Variants in IGFBP7 observed in about 807,000 individuals in gnomAD.
The protein encoded by IGFBP7 is insulin-like growth factor-binding protein 7.
A neutral mutation model predicts 29.4 loss-of-function variants in IGFBP7; 31 were observed. The ratio of observed to expected loss-of-function variants is 1.05; its 90% CI spans 0.79 to 1.42. IGFBP7 has a LOEUF of 1.42. IGFBP7 is among the 40% of genes most tolerant of loss of function. The probability of loss-of-function intolerance (pLI) is 0.00; values close to 1 mark genes in which losing one functional copy is unlikely to be tolerated. For missense variants in IGFBP7, 393 were observed against 395.5 expected, an observed-to-expected ratio of 0.99 and a Z score of 0.05; for synonymous variants, 172 against 174.9, an observed-to-expected ratio of 0.98 and a Z score of 0.13.
At position 57,109,917 on chromosome 4, in the gene IGFBP7, C is replaced by T. The variant is rs1726135251; in HGVS notation, c.435G>A (p.Glu145=). 6.4e-7 allele frequency: 1 copy of T among 1,557,024 alleles called. No homozygotes were observed. Among genetic ancestry groups the T allele is most frequent in the Non-Finnish European group, 8.6e-7 (1 of 1,157,768 alleles). ...CCTTGCTGACCTGGGTGATGGCCTT[C>T]TCCCCGCGGCTCTCGGCCCTCTGGC... ...AASQRAESRG[E]KAITQVSKGT... Residue 145 remains glutamate (E), a synonymous_variant, in exon 1 of 5, where the codon GAG becomes GAA. Transcript: ENST00000295666.
chr4:57,034,739 T>G (rs1197878396), intron 2 of IGFBP7, among the ~76,000 whole-genome samples: 3 of 152,200 alleles, frequency 2.0e-5, no homozygotes, highest in Non-Finnish European at 4.4e-5. Context: ...GCAAACCACA[T>G]GTGATCTAGG....
intron 1 of IGFBP7, among the ~76,000 whole-genome samples, chr4:57,046,692 G>A (rs1724369184): frequency 6.6e-6 from 1 of 152,140 alleles, no homozygotes; most frequent in Admixed American, 6.5e-5. Context: ...TCAAACATCT[G>A]TCTAGCAAAC....
intron 1 of IGFBP7, among the ~76,000 whole-genome samples, chr4:57,074,076 T>C (rs1213389652): frequency 6.6e-6 from 1 of 151,308 alleles, no homozygotes. Flanking sequence ...TCTTTTTTCT[T>C]TTGAGACACA....
chr4:57,106,173 T>C (rs1462096463), intron 1 of IGFBP7, among the ~76,000 whole-genome samples: 1 of 152,192 alleles, frequency 6.6e-6, no homozygotes, highest in Non-Finnish European at 1.5e-5. Context: ...CCCAAAGTGC[T>C]GGGATTACAG....
chr4:57,068,067 C>A (rs1290410306), intron 1 of IGFBP7, among the ~76,000 whole-genome samples: 2 of 152,040 alleles, frequency 1.3e-5, no homozygotes, highest in African/African-American at 4.8e-5. Flanking sequence ...GTGGCTCATG[C>A]CGTAGTCACA....
chr4:57,048,250 C>T (rs1238542904), intron 1 of IGFBP7, among the ~76,000 whole-genome samples: 2 of 151,552 alleles, frequency 1.3e-5, no homozygotes, highest in Admixed American at 1.3e-4. Context: ...ACGGGGTGAC[C>T]GTGTTACCCA....
chr4:57,095,094 T>G (rs1725729650), intron 1 of IGFBP7, among the ~76,000 whole-genome samples: 1 of 152,220 alleles, frequency 6.6e-6, no homozygotes, highest in South Asian at 2.1e-4. Context: ...GTCTAGTCAT[T>G]CCTTATGAGC....
In IGFBP7 at chr4:57,110,330, C is replaced by A; in HGVS notation, c.22G>T (p.Ala8Ser). 2 of 1,390,682 alleles carry A rather than the reference C, an allele frequency of 1.4e-6. No homozygotes were observed. The highest frequency in any genetic ancestry group is 9.3e-7 in the Non-Finnish European group (1 of 1,069,980). The allele number at this position is 1,390,682 out of a possible 1,614,324, so 86.1% of individuals were successfully genotyped here. The change falls in exon 1 of 5, where the codon GCC becomes TCC. Residue 8 changes from alanine (A) to serine (S), a missense_variant. Ala to Ser is a moderately conservative substitution (Grantham distance 99). Coordinates refer to ENST00000295666, the MANE Select transcript of IGFBP7 (RefSeq NM_001553.3). ...AGCCCAGCGGCGCCGAGGAGCAGGG[C>A]GCGCAGCGACGGCCGCTCCATGGCG... MERPSLR[A>S]LLLGAAGLLL...
intron 1 of IGFBP7, among the ~76,000 whole-genome samples, chr4:57,057,448 G>A (rs1201055048): frequency 1.3e-5 from 2 of 152,198 alleles, no homozygotes; most frequent in Non-Finnish European, 2.9e-5. Flanking sequence ...GCAACCATCA[G>A]TTCTGGCCTT....
rs535019052 is a variant in IGFBP7, at chr4:57,097,794, C to T, written c.475+12083G>A. ...GGGATTTGACCCAGGTGGTCTGACT[C>T]CAAAGTTCATCTCCTTAACCACTCT... On this transcript the variant is annotated intron_variant, in intron 1 of 4. Transcript: ENST00000295666. 2.0e-5 allele frequency among the ~76,000 whole-genome samples: 3 copies of T among 152,186 alleles called. No homozygotes were observed. In the East Asian group the frequency reaches 5.8e-4, roughly 29 times the overall value.
At chr4:57,051,635 T>C (rs185386218) in intron 1 of IGFBP7, among the ~76,000 whole-genome samples, 402 of 152,294 alleles carry the variant, frequency 2.6e-3, no homozygotes, top group South Asian at 0.01. Context: ...AACAAAATGC[T>C]GGGAGGTAAT....
chr4:57,079,163 GTCT>G (rs35860020), intron 1 of IGFBP7, among the ~76,000 whole-genome samples: 67,804 of 151,760 alleles, frequency 0.45, 17,177 homozygotes, highest in Admixed American at 0.59. Flanking sequence ...TCTCTTTGCT[GTCT>G]TCTTGTTAAA....
chr4:57,108,167 AT>A (rs1412044422), intron 1 of IGFBP7, among the ~76,000 whole-genome samples: 1 of 152,210 alleles, frequency 6.6e-6, no homozygotes, highest in African/African-American at 2.4e-5. Flanking sequence ...TTGGGTTGCA[AT>A]TTTCTAAGTT....
chr4:57,101,275 A>C (rs1402306285), intron 1 of IGFBP7, among the ~76,000 whole-genome samples: 2 of 152,176 alleles, frequency 1.3e-5, no homozygotes, highest in Non-Finnish European at 2.9e-5. Context: ...TGGCCTTGTC[A>C]GTGCTCTTTA....
chr4:57,102,270 T>A (rs1553917453), intron 1 of IGFBP7, among the ~76,000 whole-genome samples: 1 of 152,200 alleles, frequency 6.6e-6, no homozygotes, highest in Non-Finnish European at 1.5e-5. Flanking sequence ...CAGTCTACAG[T>A]GGACCCCGAG....
chr4:57,033,446 T>C, intron 2 of IGFBP7, 135 bp from the exon 3 acceptor site: 2 of 727,380 alleles, frequency 2.7e-6, no homozygotes, highest in South Asian at 2.9e-5. Context: ...CACTGAACTA[T>C]TTCCCTTTCC....
At chr4:57,103,355 C>T (rs952074479) in intron 1 of IGFBP7, among the ~76,000 whole-genome samples, 26 of 152,228 alleles carry the variant, frequency 1.7e-4, no homozygotes, top group Admixed American at 2.0e-4. Flanking sequence ...CAGGCCCTCC[C>T]CTATCACTGG....
chr4:57,108,966 A>G (rs542185215), intron 1 of IGFBP7, among the ~76,000 whole-genome samples: 1 of 152,328 alleles, frequency 6.6e-6, no homozygotes, highest in Non-Finnish European at 1.5e-5. Flanking sequence ...ATGCAAAACA[A>G]TACAAATCAA....
rs571936111 is a variant in IGFBP7, at chr4:57,032,584, G to A, written c.703-32C>T. On this transcript the variant is annotated intron_variant, in intron 3 of 4. Transcript: ENST00000295666. Reference sequence around the variant, plus strand: ...AAGAAAAAAGATCTAGTATTCCTCTGTGGTGGTCTTCTCTTTTGTCAGTGG... The same window carrying A: ...AAGAAAAAAGATCTAGTATTCCTCTATGGTGGTCTTCTCTTTTGTCAGTGG... 22 of 1,533,462 alleles carry A rather than the reference G, an allele frequency of 1.4e-5. No individual in the cohort carries two copies. In the South Asian group the frequency reaches 2.3e-4, roughly 16 times the overall value. The allele number at this position is 1,533,462 out of a possible 1,614,324, so 95.0% of individuals were successfully genotyped here.
Sources: gnomAD v4.1 joint callset for allele counts (sites outside exome capture counted in the v4.1 genomes callset) on GRCh38, gnomAD v4.1.1 for gene constraint, MANE v1.5 for transcripts, NCBI Gene and HGNC (gene_info 2026-07-23, HGNC 2026-07-21) for gene names.